The following ASTN2 variants were observed in gnomAD, a reference collection of about 807,000 sequenced individuals.
ASTN2 encodes the protein astrotactin 2.
Under a neutral mutation model 139.8 loss-of-function variants are expected in ASTN2, and 54 were observed. The observed-to-expected ratio is 0.39, with a 90% CI of 0.31 to 0.48. ASTN2 has a LOEUF of 0.48. Among genes scored for constraint, ASTN2 ranks in the 20% least tolerant of loss-of-function variants. The probability of loss-of-function intolerance (pLI) is 0.95; values close to 1 mark genes in which losing one functional copy is unlikely to be tolerated. For missense variants in ASTN2, 1,565 were observed against 1,725.1 expected, an observed-to-expected ratio of 0.91 and a Z score of 1.64; for synonymous variants, 756 against 719.5, an observed-to-expected ratio of 1.05 and a Z score of -0.81.
intron 5 of ASTN2, among the ~76,000 whole-genome samples, chr9:117,073,264 C>T (rs192863704): frequency 1.1e-3 from 174 of 152,278 alleles, no homozygotes; most frequent in African/African-American, 3.9e-3. Flanking sequence ...TGACCTCCCC[C>T]ACAACTCATT....
intron 17 of ASTN2, among the ~76,000 whole-genome samples, chr9:116,646,113 A>G (rs1588135853): frequency 6.6e-6 from 1 of 152,336 alleles, no homozygotes; most frequent in East Asian, 1.9e-4. Flanking sequence ...AGCATCACAT[A>G]GTGAATGGGG....
intron 16 of ASTN2, among the ~76,000 whole-genome samples, chr9:116,701,616 C>CT (rs1271165149): frequency 6.6e-6 from 1 of 152,180 alleles, no homozygotes; most frequent in African/African-American, 2.4e-5. Context: ...GCTGTCTGTG[C>CT]TTTTGAAAGA....
chr9:116,639,478 G>A (rs545939286), intron 17 of ASTN2, among the ~76,000 whole-genome samples: 9 of 152,292 alleles, frequency 5.9e-5, no homozygotes, highest in Non-Finnish European at 1.2e-4. Flanking sequence ...GAAATAGAAA[G>A]AGAGTTGGAT....
chr9:116,880,726 A>T (rs1358530154), intron 10 of ASTN2, among the ~76,000 whole-genome samples: 2 of 152,072 alleles, frequency 1.3e-5, no homozygotes, highest in African/African-American at 4.8e-5. Context: ...GGGCAAAAGA[A>T]GTTTATTGCA....
chr9:117,372,805 T>C (rs966588230), intron 1 of ASTN2, among the ~76,000 whole-genome samples: 1 of 152,140 alleles, frequency 6.6e-6, no homozygotes, highest in African/African-American at 2.4e-5. Flanking sequence ...CTGGATGGTG[T>C]TGGCTGCAGG....
chr9:116,445,775 G>A (rs1434336942), intron 20 of ASTN2, among the ~76,000 whole-genome samples: 1 of 152,192 alleles, frequency 6.6e-6, no homozygotes, highest in Non-Finnish European at 1.5e-5. Context: ...TCAAGACTCA[G>A]TGACACAATG....
intron 16 of ASTN2, among the ~76,000 whole-genome samples, chr9:116,662,997 C>T (rs915184686): frequency 1.4e-4 from 21 of 152,154 alleles, no homozygotes; most frequent in South Asian, 4.1e-4. Flanking sequence ...AATAGGAGAA[C>T]GCCTTCTCTT....
intron 1 of ASTN2, among the ~76,000 whole-genome samples, chr9:117,392,193 T>C (rs1449840853): frequency 6.6e-6 from 1 of 152,136 alleles, no homozygotes; most frequent in Admixed American, 6.6e-5. Flanking sequence ...TAGGAAACTA[T>C]TGAATTATAG....
intron 6 of ASTN2, among the ~76,000 whole-genome samples, chr9:117,034,696 T>A (rs893201105): frequency 6.6e-6 from 1 of 152,130 alleles, no homozygotes; most frequent in Non-Finnish European, 1.5e-5. Context: ...CTGGGAATTA[T>A]CTCCCCAGAT....
chr9:116,512,523 T>C (rs1182921253), intron 19 of ASTN2, among the ~76,000 whole-genome samples: 4 of 152,310 alleles, frequency 2.6e-5, no homozygotes, highest in East Asian at 3.9e-4. Flanking sequence ...TAGGTCCGCT[T>C]GGTGTAGAGT....
chr9:117,057,218 G>A (rs1839088555), intron 5 of ASTN2, among the ~76,000 whole-genome samples: 1 of 152,148 alleles, frequency 6.6e-6, no homozygotes, highest in Non-Finnish European at 1.5e-5. Flanking sequence ...GGGCTGGCCA[G>A]CAATGATACA....
chr9:116,620,223 GA>G, intron 18 of ASTN2, 86 bp downstream of exon 18: 1 of 1,591,348 alleles, frequency 6.3e-7, no homozygotes, highest in Non-Finnish European at 8.6e-7. Context: ...CTTGGGAGCA[GA>G]AGCAAGTCAT....
intron 5 of ASTN2, among the ~76,000 whole-genome samples, chr9:117,063,828 G>C (rs1017150448): frequency 1.3e-5 from 2 of 152,034 alleles, no homozygotes; most frequent in Non-Finnish European, 2.9e-5. Context: ...GGGTCCTAAG[G>C]GTTGTAGCAA....
chr9:117,403,284 G>C (rs1044317327), intron 1 of ASTN2, among the ~76,000 whole-genome samples: 9 of 152,166 alleles, frequency 5.9e-5, no homozygotes, highest in African/African-American at 1.9e-4. Flanking sequence ...GTTGCTGCTG[G>C]CTGTAAAAGT....
intron 3 of ASTN2, among the ~76,000 whole-genome samples, chr9:117,155,608 C>A (rs1214558891): frequency 6.6e-6 from 1 of 151,996 alleles, no homozygotes; most frequent in Non-Finnish European, 1.5e-5. Flanking sequence ...AGCTCACACT[C>A]CAGGCACTGT....
intron 5 of ASTN2, among the ~76,000 whole-genome samples, chr9:117,095,040 C>T (rs1378170265): frequency 1.3e-5 from 2 of 152,188 alleles, no homozygotes; most frequent in African/African-American, 2.4e-5. Context: ...CTTCTCCCTA[C>T]CCCAGCTACT....
At chr9:116,556,698 A>T (rs1290846552) in intron 19 of ASTN2, among the ~76,000 whole-genome samples, 2 of 152,130 alleles carry the variant, frequency 1.3e-5, no homozygotes, top group African/African-American at 4.8e-5. Context: ...GACTTTAGTG[A>T]CCCTAATGTC....
intron 13 of ASTN2, among the ~76,000 whole-genome samples, chr9:116,758,066 T>A (rs1394483720): frequency 2.0e-5 from 3 of 152,094 alleles, no homozygotes; most frequent in African/African-American, 7.2e-5. Context: ...GTCCAGTCCC[T>A]CCACTGTGCC....
intron 10 of ASTN2, among the ~76,000 whole-genome samples, chr9:116,896,181 ATAG>A (rs1003414455): frequency 1.3e-5 from 2 of 152,186 alleles, no homozygotes; most frequent in South Asian, 4.1e-4. Flanking sequence ...GAATGTGGTA[ATAG>A]TAGTTGATTT....
Sources: allele counts gnomAD v4.1 joint callset (sites outside exome capture counted in the v4.1 genomes callset), GRCh38; gene constraint gnomAD v4.1.1; transcripts MANE v1.5; gene names NCBI Gene and HGNC (gene_info 2026-07-23, HGNC 2026-07-21).